RIC1: variants seen among roughly 807,000 people sequenced by gnomAD.
RIC1 encodes the protein guanine nucleotide exchange factor subunit RIC1.
A neutral mutation model predicts 169.0 loss-of-function variants in RIC1; 88 were observed. The ratio of observed to expected loss-of-function variants is 0.52; its 90% CI spans 0.44 to 0.62. The LOEUF (loss-of-function observed/expected upper bound fraction) is 0.62. RIC1 is among the 20% of genes least tolerant of loss of function. The pLI is 0.00. For synonymous variants in RIC1, 790 were observed against 601.5 expected (o/e 1.31, Z -4.59); for missense variants, 1,877 against 1,725.5 (o/e 1.09, Z -1.56).
intron 1 of RIC1, among the ~76,000 whole-genome samples, chr9:5,653,863 T>C (rs1183213104): frequency 1.3e-5 from 2 of 152,234 alleles, no homozygotes; most frequent in Non-Finnish European, 2.9e-5. Flanking sequence ...CCCAAAGTGC[T>C]GGGATTACAG....
chr9:5,711,014 T>C (rs1180213209), intron 3 of RIC1, among the ~76,000 whole-genome samples: 2 of 152,170 alleles, frequency 1.3e-5, no homozygotes, highest in African/African-American at 4.8e-5. Context: ...ACAAAACATG[T>C]AAATTTCCTA....
chr9:5,672,822 T>C (rs897536074), intron 2 of RIC1, among the ~76,000 whole-genome samples: 2 of 151,950 alleles, frequency 1.3e-5, no homozygotes, highest in African/African-American at 4.8e-5. Context: ...ATGAGAAAAA[T>C]CATTCAGAGA....
At chr9:5,747,270 T>A in intron 11 of RIC1, 32 bp from the exon 12 acceptor site, 1 of 1,558,056 alleles carries the variant, frequency 6.4e-7, no homozygotes, top group Non-Finnish European at 8.8e-7. Flanking sequence ...GTTTTCCTCC[T>A]TTGCCCTTTT....
chr9:5,709,760 A>G (rs1005893501), intron 3 of RIC1, among the ~76,000 whole-genome samples: 1 of 152,122 alleles, frequency 6.6e-6, no homozygotes, highest in African/African-American at 2.4e-5. Context: ...TTGTTACTGT[A>G]ATTTTTTAAA....
chr9:5,678,732 T>C (rs1036259555), intron 2 of RIC1, among the ~76,000 whole-genome samples: 1 of 152,228 alleles, frequency 6.6e-6, no homozygotes, highest in African/African-American at 2.4e-5. Flanking sequence ...TCATTGTAGA[T>C]TCTGGATATT....
intron 7 of RIC1, among the ~76,000 whole-genome samples, chr9:5,733,202 T>C (rs1053107191): frequency 2.0e-5 from 3 of 151,824 alleles, no homozygotes; most frequent in African/African-American, 4.8e-5. Flanking sequence ...GGTTGTTCTA[T>C]AGAACATATA....
rs953443766 is a variant in RIC1, at chr9:5,775,087, C to T, written c.*841C>T. The T allele has an allele frequency of 1.3e-5, 2 of 152,144 alleles. No individual in the cohort carries two copies. Among genetic ancestry groups the T allele is most frequent in the African/African-American group, 4.8e-5 (2 of 41,442 alleles). The allele number at this position is 152,144 out of a possible 1,614,324, so 9.4% of individuals were successfully genotyped here. A position where few individuals can be genotyped will look rare whatever the true frequency, so the allele number is the denominator to read the frequency against. ...TACACATACAAAGACAGGGCTTGCT[C>T]CTCTGCAAAACTGAGGAAGACAGGT... On this transcript the variant is annotated 3_prime_UTR_variant, in exon 26 of 26. Coordinates refer to ENST00000414202, the MANE Select transcript of RIC1 (RefSeq NM_020829.4).
intron 1 of RIC1, among the ~76,000 whole-genome samples, chr9:5,651,673 C>T (rs532153710): frequency 1.3e-5 from 2 of 150,472 alleles, no homozygotes; most frequent in South Asian, 4.2e-4. Context: ...AAGTGATTCT[C>T]CTGCCTCAGC....
Position 5,629,276 on chromosome 9 carries a change from C to G in RIC1, c.-34C>G. 2 of 1,447,130 alleles carry G rather than the reference C, an allele frequency of 1.4e-6. No homozygotes were observed. The highest frequency in any genetic ancestry group is 1.8e-6 in the Non-Finnish European group (2 of 1,098,466). The allele number at this position is 1,447,130 out of a possible 1,614,324, so 89.6% of individuals were successfully genotyped here. Reference sequence around the variant, plus strand: ...GCCCGGGGCCGCTGAGTGTGACGGACGCAACTGGGGGCGCCGGGGGCTCCG... The same window carrying G: ...GCCCGGGGCCGCTGAGTGTGACGGAGGCAACTGGGGGCGCCGGGGGCTCCG... On this transcript the variant is annotated 5_prime_UTR_variant, in exon 1 of 26. Transcript: ENST00000414202.
intron 2 of RIC1, among the ~76,000 whole-genome samples, chr9:5,688,634 G>C (rs1348330428): frequency 6.6e-6 from 1 of 152,092 alleles, no homozygotes; most frequent in Non-Finnish European, 1.5e-5. Flanking sequence ...TGAAACTCTA[G>C]TTTCAAATAC....
At chr9:5,632,218 A>G (rs1817749202) in intron 1 of RIC1, among the ~76,000 whole-genome samples, 1 of 152,218 alleles carries the variant, frequency 6.6e-6, no homozygotes, top group African/African-American at 2.4e-5. Flanking sequence ...TATTTTAAAA[A>G]GAGACAACTA....
At chr9:5,692,134 C>G (rs1165705052) in intron 3 of RIC1, among the ~76,000 whole-genome samples, 2 of 152,056 alleles carry the variant, frequency 1.3e-5, no homozygotes, top group African/African-American at 2.4e-5. Flanking sequence ...TTTTAGGTTT[C>G]AGTGGCTGGC....
intron 14 of RIC1, 32 bp from the exon 15 acceptor site, chr9:5,754,809 A>C: frequency 7.8e-7 from 1 of 1,277,702 alleles, no homozygotes; most frequent in South Asian, 1.5e-5. Context: ...TGGTAGCATA[A>C]GGTAAATTTT....
At chr9:5,754,255 C>G (rs1299962199) in intron 14 of RIC1, among the ~76,000 whole-genome samples, 1 of 152,144 alleles carries the variant, frequency 6.6e-6, no homozygotes, top group East Asian at 1.9e-4. Context: ...GTGATTAAGC[C>G]AGAATTTACA....
rs1299054037 is a variant in RIC1 at position 5,629,437 on chromosome 9, G to C, written c.128G>C (p.Ser43Thr). The C allele has an allele frequency of 6.5e-7, 1 of 1,533,400 alleles. No homozygotes were observed. Among genetic ancestry groups the C allele is most frequent in the East Asian group, 2.5e-5 (1 of 40,666 alleles). 95.0% of individuals were successfully genotyped at this position (1,533,400 alleles called of 1,614,324 possible). Residue 43 changes from serine (S) to threonine (T), a missense_variant, in exon 1 of 26, where the codon AGC becomes ACC. Physicochemically the swap from Ser to Thr is moderately conservative, Grantham distance 58. This residue lies in a region of RIC1 where 1,104 missense variants were observed against 992.0 expected (regional missense o/e 1.11). Transcript: ENST00000414202. ...GCCGTGCTGGCCGCGGCCCGCCTCA[G>C]CATCTGGTACAGCCGAGTAAGTAGA... Reference protein sequence around the residue: ...FFAVLAAARLSIWYSRPSVLI... With the variant: ...FFAVLAAARLTIWYSRPSVLI...
intron 2 of RIC1, among the ~76,000 whole-genome samples, chr9:5,683,107 G>T (rs893778040): frequency 1.3e-5 from 2 of 151,722 alleles, no homozygotes; most frequent in South Asian, 2.1e-4. Context: ...CCATTGGTTC[G>T]CACAGAGTAA....
Position 5,735,683 on chromosome 9 carries a change from T to C in RIC1, c.813-2767T>C, listed in dbSNP as rs79084640. Among the ~76,000 whole-genome samples, 1,182 of 152,324 alleles carry C rather than the reference T, an allele frequency of 7.8e-3. 22 individuals are homozygous for C. Among genetic ancestry groups the C allele is most frequent in the African/African-American group, 0.027 (1,137 of 41,572 alleles). The stretch of plus-strand genomic sequence containing the variant: ...ACTAATTACCTTGAACACTAGGTGA[T>C]AGCTGGTGTCCTTAGAGTTGTGTAA... On this transcript the variant is annotated intron_variant, in intron 7 of 25. Transcript: ENST00000414202.
intron 10 of RIC1, among the ~76,000 whole-genome samples, chr9:5,745,532 C>T (rs1015488030): frequency 5.3e-5 from 8 of 152,148 alleles, no homozygotes; most frequent in Admixed American, 4.6e-4. Flanking sequence ...AAAACTGCAT[C>T]TGTTGTAGGG....
chr9:5,749,843 A>G (rs1056932241), intron 12 of RIC1, among the ~76,000 whole-genome samples: 21 of 120,430 alleles, frequency 1.7e-4, no homozygotes, highest in Non-Finnish European at 3.2e-4. Context: ...CAGTGGCGTG[A>G]TCTCAGCTCA....
Sources: gnomAD v4.1 joint callset for allele counts (sites outside exome capture counted in the v4.1 genomes callset) on GRCh38, gnomAD v4.1.1 for gene constraint, gnomAD v4.1.1 regional missense constraint, MANE v1.5 for transcripts, NCBI Gene and HGNC (gene_info 2026-07-23, HGNC 2026-07-21) for gene names.